EML6: variants seen among roughly 807,000 people sequenced by gnomAD.
EML6 encodes EMAP like 6.
EML6 carries 154 observed loss-of-function variants against 240.1 expected under a neutral mutation model. The ratio of observed to expected loss-of-function variants is 0.64; its 90% CI spans 0.56 to 0.73. EML6 has a LOEUF of 0.73. Among genes scored for constraint, EML6 ranks in the 30% least tolerant of loss-of-function variants. The pLI, the probability that EML6 is intolerant of heterozygous loss-of-function variation, is 0.00. For missense variants in EML6, 2,964 were observed against 2,474.6 expected, an observed-to-expected ratio of 1.20 and a Z score of -4.20; for synonymous variants, 1,148 against 899.0, an observed-to-expected ratio of 1.28 and a Z score of -4.95.
intron 2 of EML6, among the ~76,000 whole-genome samples, chr2:54,729,387 T>G (rs1329016177): frequency 2.0e-5 from 3 of 152,250 alleles, no homozygotes; most frequent in South Asian, 2.1e-4. Context: ...TTTTCATTTG[T>G]AAGCGTATAT....
chr2:54,853,627 T>C lies in EML6; in HGVS notation c.1445-16T>C, dbSNP rs1185938676. 8 of 1,438,546 alleles carry C rather than the reference T, an allele frequency of 5.6e-6. No individual in the cohort carries two copies. Among genetic ancestry groups the C allele is most frequent in the Non-Finnish European group, 7.6e-6 (8 of 1,059,532 alleles). 89.1% of individuals were successfully genotyped at this position (1,438,546 alleles called of 1,614,324 possible). ...ACTTTTTATTTAAATGTAATGTTAATATTGATTATTTTCAGCTGGGAAGCC... is the reference window on the plus strand; with the variant it reads ...ACTTTTTATTTAAATGTAATGTTAACATTGATTATTTTCAGCTGGGAAGCC... On this transcript the variant is annotated splice_polypyrimidine_tract_variant and intron_variant, in intron 10 of 41. Coordinates refer to ENST00000356458, the MANE Select transcript of EML6 (RefSeq NM_001039753.4).
At chr2:54,954,477 C>G (rs1440300806) in intron 32 of EML6, among the ~76,000 whole-genome samples, 2 of 152,204 alleles carry the variant, frequency 1.3e-5, no homozygotes, top group Non-Finnish European at 2.9e-5. Context: ...AGCCACCTTC[C>G]TACCCAAGGG....
intron 40 of EML6, 144 bp downstream of exon 40, chr2:54,968,425 T>C: frequency 1.2e-6 from 1 of 850,552 alleles, no homozygotes; most frequent in South Asian, 1.7e-5. Context: ...GTTTTTCACC[T>C]CCTGGAGGGG....
intron 2 of EML6, among the ~76,000 whole-genome samples, chr2:54,739,697 A>G (rs1683548910): frequency 6.6e-6 from 1 of 152,214 alleles, no homozygotes; most frequent in Non-Finnish European, 1.5e-5. Context: ...TGAGAGCCTC[A>G]GGACATACTC....
intron 21 of EML6, among the ~76,000 whole-genome samples, chr2:54,897,991 T>C (rs1672857824): frequency 6.6e-6 from 1 of 152,156 alleles, no homozygotes; most frequent in Non-Finnish European, 1.5e-5. Flanking sequence ...TTGCCGGTTT[T>C]GGTGGCACGG....
intron 17 of EML6, among the ~76,000 whole-genome samples, chr2:54,884,543 T>C (rs1264280568): frequency 1.3e-5 from 2 of 152,204 alleles, no homozygotes; most frequent in African/African-American, 4.8e-5. Context: ...AAGCTACCTC[T>C]GGGCTGGCGG....
intron 2 of EML6, among the ~76,000 whole-genome samples, chr2:54,789,055 C>T (rs1249801863): frequency 1.3e-5 from 2 of 152,184 alleles, no homozygotes; most frequent in African/African-American, 2.4e-5. Context: ...TATCCATCAT[C>T]TGTTATCCTT....
At chr2:54,928,078 G>C (rs942748741) in intron 26 of EML6, among the ~76,000 whole-genome samples, 2 of 152,204 alleles carry the variant, frequency 1.3e-5, no homozygotes, top group African/African-American at 4.8e-5. Context: ...AGGTTCTGTA[G>C]TCTAACATTT....
At chr2:54,926,422 G>A (rs542504752) in intron 26 of EML6, among the ~76,000 whole-genome samples, 10 of 152,344 alleles carry the variant, frequency 6.6e-5, no homozygotes, top group African/African-American at 2.4e-4. Context: ...TTTTTCTGGT[G>A]CTATCATCCA....
intron 17 of EML6, among the ~76,000 whole-genome samples, chr2:54,888,367 C>A (rs1425943295): frequency 6.6e-6 from 1 of 152,176 alleles, no homozygotes; most frequent in East Asian, 1.9e-4. Context: ...ATGTAACTTG[C>A]AACCTGGGTT....
chr2:54,949,367 A>G (rs763130882), intron 29 of EML6, among the ~76,000 whole-genome samples: 32 of 152,312 alleles, frequency 2.1e-4, no homozygotes, highest in Non-Finnish European at 3.1e-4. Flanking sequence ...GCCCTGCTCC[A>G]TAGCCACGAA....
At chr2:54,953,886 A>C in intron 31 of EML6, 97 bp from the exon 32 acceptor site, 1 of 137,830 alleles carries the variant, frequency 7.3e-6, no homozygotes, top group Non-Finnish European at 1.3e-5. Flanking sequence ...GACTCTGTCT[A>C]AAAAAAAAAA....
chr2:54,937,885 G>T (rs1178281107), intron 28 of EML6, among the ~76,000 whole-genome samples: 1 of 152,140 alleles, frequency 6.6e-6, no homozygotes, highest in Non-Finnish European at 1.5e-5. Flanking sequence ...CAAGAGTTGG[G>T]TCAATGAGAA....
intron 7 of EML6, among the ~76,000 whole-genome samples, chr2:54,836,304 C>T (rs903513640): frequency 1.3e-5 from 2 of 152,186 alleles, no homozygotes; most frequent in African/African-American, 2.4e-5. Flanking sequence ...GGGTGGGAGG[C>T]CATGGGCTTG....
intron 2 of EML6, among the ~76,000 whole-genome samples, chr2:54,771,290 T>C (rs549249631): frequency 1.4e-3 from 215 of 152,308 alleles, no homozygotes; most frequent in Non-Finnish European, 2.3e-3. Context: ...TCCAATTCTT[T>C]CTTTCTCATC....
chr2:54,866,603 ATTAG>A (rs1558629789), intron 13 of EML6, among the ~76,000 whole-genome samples, 159 bp from the exon 14 acceptor site: 1 of 152,354 alleles, frequency 6.6e-6, no homozygotes, highest in East Asian at 1.9e-4. Context: ...AATAGTTCAT[ATTAG>A]TTTTATTCAT....
At chr2:54,904,686 A>T (rs1673226318) in intron 24 of EML6, among the ~76,000 whole-genome samples, 1 of 152,238 alleles carries the variant, frequency 6.6e-6, no homozygotes, top group Non-Finnish European at 1.5e-5. Context: ...GGGATAGAGC[A>T]GAACTTTCAT....
chr2:54,765,728 G>A (rs559999183), intron 2 of EML6, among the ~76,000 whole-genome samples: 31 of 152,304 alleles, frequency 2.0e-4, no homozygotes, highest in African/African-American at 7.0e-4. Context: ...CCAAAGTGCT[G>A]GGATTACAGG....
chr2:54,964,510 G>A (rs1278646720), intron 37 of EML6, 61 bp from the exon 38 acceptor site: 22 of 1,496,730 alleles, frequency 1.5e-5, no homozygotes, highest in Admixed American at 1.0e-4. Context: ...ACCAGCCTTC[G>A]TGCCTGACCA....
Sources: gnomAD v4.1 joint callset for allele counts (sites outside exome capture counted in the v4.1 genomes callset) on GRCh38, gnomAD v4.1.1 for gene constraint, MANE v1.5 for transcripts, NCBI Gene and HGNC (gene_info 2026-07-23, HGNC 2026-07-21) for gene names.